Variants in FAM120A observed in about 807,000 individuals in gnomAD.
The protein encoded by FAM120A is family with sequence similarity 120 member A.
Under a neutral mutation model 109.7 loss-of-function variants are expected in FAM120A, and 15 were observed. That is an observed-to-expected ratio of 0.14 (90% CI 0.09 to 0.21). FAM120A has a LOEUF of 0.21. Ranked by LOEUF, FAM120A falls within the 10% of genes least tolerant of loss-of-function variation. The pLI, the probability that FAM120A is intolerant of heterozygous loss-of-function variation, is 1.00. For missense variants in FAM120A, 899 were observed against 1,439.3 expected (o/e 0.62, Z 6.07); for synonymous variants, 493 against 572.8 (o/e 0.86, Z 1.99).
intron 5 of FAM120A, among the ~76,000 whole-genome samples, chr9:93,507,385 T>C (rs763762273): frequency 2.6e-5 from 4 of 152,010 alleles, no homozygotes; most frequent in Non-Finnish European, 5.9e-5. Context: ...ATAAAGATGG[T>C]TGGAGGAAGA....
In FAM120A at chr9:93,564,888, A is replaced by G. The variant is rs1157814648; in HGVS notation, c.*348A>G. 4 of 181,582 alleles carry G rather than the reference A, an allele frequency of 2.2e-5. No individual in the cohort carries two copies. The highest frequency in any genetic ancestry group is 4.6e-5 in the Non-Finnish European group (4 of 87,766). 11.2% of individuals were successfully genotyped at this position (181,582 alleles called of 1,614,324 possible). On this transcript the variant is annotated 3_prime_UTR_variant, in exon 18 of 18. Transcript: ENST00000277165. The stretch of plus-strand genomic sequence containing the variant: ...AAACAAATTTTGGCAGTCTTTAAGT[A>G]TATATAGCTTAAAATATAATTTTTA...
intron 7 of FAM120A, 142 bp from the exon 8 acceptor site, chr9:93,527,012 TA>T: frequency 7.7e-6 from 5 of 651,418 alleles, no homozygotes; most frequent in Non-Finnish European, 1.3e-5. Flanking sequence ...GAAATATTAG[TA>T]TAATAGAGTT....
intron 3 of FAM120A, among the ~76,000 whole-genome samples, chr9:93,495,029 C>T (rs1007465967): frequency 2.6e-5 from 4 of 152,236 alleles, no homozygotes; most frequent in African/African-American, 9.6e-5. Context: ...CATAGTTTCA[C>T]TGCCACTAGT....
intron 10 of FAM120A, among the ~76,000 whole-genome samples, chr9:93,542,773 T>C (rs980930303): frequency 6.6e-6 from 1 of 152,236 alleles, no homozygotes; most frequent in Non-Finnish European, 1.5e-5. Flanking sequence ...ATTTCTCAAA[T>C]CTAATTTATG....
intron 9 of FAM120A, chr9:93,531,425 G>GAT (rs1312817550): frequency 2.0e-5 from 3 of 152,202 alleles, no homozygotes; most frequent in Non-Finnish European, 4.4e-5. Context: ...GATGTATCTT[G>GAT]ATGCTGTAAG....
intron 5 of FAM120A, among the ~76,000 whole-genome samples, chr9:93,511,446 C>A (rs1409717096): frequency 6.6e-6 from 1 of 152,320 alleles, no homozygotes; most frequent in South Asian, 2.1e-4. Context: ...CCAGCCTGAC[C>A]GGCTCTGTGG....
intron 12 of FAM120A, among the ~76,000 whole-genome samples, chr9:93,556,028 G>A (rs373381523): frequency 3.3e-5 from 5 of 152,134 alleles, no homozygotes; most frequent in Non-Finnish European, 7.3e-5. Flanking sequence ...GTTATTTTAC[G>A]AAGAGATTGT....
At chr9:93,543,722 T>C (rs1861787882) in intron 11 of FAM120A, among the ~76,000 whole-genome samples, 1 of 152,240 alleles carries the variant, frequency 6.6e-6, no homozygotes, top group Admixed American at 6.5e-5. Context: ...AAATATTATA[T>C]AATGATTTTA....
chr9:93,452,641 G>A lies in FAM120A; in HGVS notation c.474+252G>A. The stretch of plus-strand genomic sequence containing the variant: ...GCCGCGTGGGGACACTTGAGGGCTG[G>A]GAGAGAGCCCCGGACCAGAATTCGG... On this transcript the variant is annotated intron_variant, in intron 1 of 17. Transcript: ENST00000277165. The surrounding 1 kb of genome is among the most constrained non-coding windows in gnomAD (Gnocchi z 7.0). 3 of 1,599,206 alleles carry A rather than the reference G, an allele frequency of 1.9e-6. No individual in the cohort carries two copies. The highest frequency in any genetic ancestry group is 2.5e-6 in the Non-Finnish European group (3 of 1,179,904).
chr9:93,542,694 A>T (rs1302976060), intron 10 of FAM120A, among the ~76,000 whole-genome samples: 4 of 152,226 alleles, frequency 2.6e-5, no homozygotes, highest in African/African-American at 9.6e-5. Flanking sequence ...GGCCAGTCTT[A>T]AAAATAGAGT....
intron 1 of FAM120A, chr9:93,453,554 C>G: frequency 4.1e-6 from 4 of 985,402 alleles, no homozygotes; most frequent in Non-Finnish European, 4.8e-6. Context: ...CCCCCACTGC[C>G]CGCGAGGAGA....
intron 12 of FAM120A, among the ~76,000 whole-genome samples, chr9:93,555,133 T>C (rs1484984373): frequency 6.6e-6 from 1 of 152,154 alleles, no homozygotes; most frequent in Non-Finnish European, 1.5e-5. Flanking sequence ...CACATAAATA[T>C]AAAAATGCAT....
chr9:93,479,438 T>C (rs1858702403), intron 3 of FAM120A, among the ~76,000 whole-genome samples: 1 of 152,154 alleles, frequency 6.6e-6, no homozygotes, highest in Admixed American at 6.5e-5. Flanking sequence ...CTGTGAACAA[T>C]AATAAATTTG....
chr9:93,518,214 C>G (rs1860684158), intron 7 of FAM120A, among the ~76,000 whole-genome samples: 1 of 152,126 alleles, frequency 6.6e-6, no homozygotes, highest in Non-Finnish European at 1.5e-5. Context: ...GGGTCAGAAA[C>G]TAGCATTCAA....
intron 5 of FAM120A, among the ~76,000 whole-genome samples, chr9:93,511,766 T>C (rs189004504): frequency 3.3e-5 from 5 of 152,336 alleles, no homozygotes; most frequent in African/African-American, 1.2e-4. Flanking sequence ...TTTTGGGTGA[T>C]ACTTGAAAAT....
intron 3 of FAM120A, among the ~76,000 whole-genome samples, chr9:93,481,359 A>AT (rs907800481): frequency 6.6e-6 from 1 of 151,992 alleles, no homozygotes; most frequent in African/African-American, 2.4e-5. Context: ...TGCTGGCTTT[A>AT]TTTTTTTAAA....
intron 10 of FAM120A, 63 bp from the exon 11 acceptor site, chr9:93,543,159 G>C: frequency 1.3e-6 from 2 of 1,567,334 alleles, no homozygotes; most frequent in Non-Finnish European, 1.7e-6. Context: ...GCTTGTTTTT[G>C]TTAAGACTGA....
At chr9:93,475,015 C>T (rs1858487780) in intron 2 of FAM120A, among the ~76,000 whole-genome samples, 1 of 152,194 alleles carries the variant, frequency 6.6e-6, no homozygotes, top group Non-Finnish European at 1.5e-5. Context: ...GAGTTCAGTA[C>T]CTCTGGCTTG....
At chr9:93,564,188 C>T in intron 17 of FAM120A, 41 bp from the exon 18 acceptor site, 1 of 1,573,174 alleles carries the variant, frequency 6.4e-7, no homozygotes, top group Non-Finnish European at 8.7e-7. Flanking sequence ...TTCTGTTTAT[C>T]AGAAACCACC....
Sources: allele counts gnomAD v4.1 joint callset (sites outside exome capture counted in the v4.1 genomes callset), GRCh38; gene constraint gnomAD v4.1.1; non-coding constraint Gnocchi (gnomAD v3.1); transcripts MANE v1.5; gene names NCBI Gene and HGNC (gene_info 2026-07-23, HGNC 2026-07-21).